The following PPP6R2 variants were observed in gnomAD, a reference collection of about 807,000 sequenced individuals.
The protein encoded by PPP6R2 is protein phosphatase 6 regulatory subunit 2.
PPP6R2 carries 62 observed loss-of-function variants against 100.2 expected under a neutral mutation model. The observed-to-expected ratio is 0.62, with a 90% confidence interval of 0.50 to 0.76. PPP6R2 has a LOEUF of 0.76. Ranked by LOEUF, PPP6R2 falls within the 30% of genes least tolerant of loss-of-function variation. The pLI, the probability that PPP6R2 is intolerant of heterozygous loss-of-function variation, is 0.00. For synonymous variants in PPP6R2, 525 were observed against 514.7 expected (o/e 1.02, Z -0.27); for missense variants, 1,142 against 1,276.3 (o/e 0.89, Z 1.60).
At chr22:50,331,648 C>T in the PPP6R2 span, among the ~76,000 whole-genome samples, 95 of 152,132 alleles carry the variant, frequency 6.2e-4, no homozygotes, top group African/African-American at 2.1e-3. Context: ...GACAGAGTCT[C>T]GCTTATGTCA....
rs761344015 is a variant in PPP6R2 at position 50,422,318 on chromosome 22, G to A, written c.910G>A (p.Val304Ile). 90 of 1,613,992 alleles carry A rather than the reference G, an allele frequency of 5.6e-5. No individual in the cohort carries two copies. Among genetic ancestry groups the A allele is most frequent in the Non-Finnish European group, 6.9e-5 (82 of 1,180,012 alleles). Reference protein sequence around the residue: ...LERSYAVSSSVLHGIEPRLKD... With the variant: ...LERSYAVSSSILHGIEPRLKD... ...AAGGTCATACGCTGTCAGCAGCAGC[G>A]TACTACACGGCATCGAGCCTCGGCT... The change falls in exon 9 of 24, where the codon GTA becomes ATA. Residue 304 changes from valine to isoleucine, a missense_variant. Val to Ile is a conservative substitution (Grantham distance 29, BLOSUM62 3). This residue lies in a region of PPP6R2 where 592 missense variants were observed against 758.9 expected (regional missense o/e 0.78). Transcript: ENST00000612753.
At chr22:50,330,902 CAT>C in the PPP6R2 span, among the ~76,000 whole-genome samples, 51 of 152,172 alleles carry the variant, frequency 3.4e-4, no homozygotes, top group African/African-American at 1.2e-3. Flanking sequence ...AAGGCAAGGA[CAT>C]AGATTTTCCC....
At chr22:50,388,312 TAAGCCTGGGAGGTTGAG>T (rs2054673921) in intron 2 of PPP6R2, among the ~76,000 whole-genome samples, 3 of 150,452 alleles carry the variant, frequency 2.0e-5, no homozygotes, top group Middle Eastern at 3.5e-3. Context: ...GAGGATCACT[TAAGCCTGGGAGGTTGAG>T]GCTGCAGTGT....
intron 4 of PPP6R2, 22 bp downstream of exon 4, chr22:50,406,897 C>T (rs1219100943): frequency 4.4e-6 from 7 of 1,604,168 alleles, no homozygotes; most frequent in East Asian, 4.5e-5. Flanking sequence ...GCAAAGCCTC[C>T]GTGACTTGGG....
chr22:50,439,076 TCCCCA>T, intron 19 of PPP6R2, among the ~76,000 whole-genome samples: 1 of 152,088 alleles, frequency 6.6e-6, no homozygotes, highest in East Asian at 1.9e-4. Context: ...CCTGACGCCC[TCCCCA>T]GCACAGCAGC....
chr22:50,413,184 C>G (rs1391702343), intron 4 of PPP6R2, among the ~76,000 whole-genome samples: 1 of 150,904 alleles, frequency 6.6e-6, no homozygotes, highest in East Asian at 2.0e-4. Context: ...CGACCTCAGT[C>G]TGGTCTGACC....
At chr22:50,354,136 C>T (rs2045934728) in intron 1 of PPP6R2, among the ~76,000 whole-genome samples, 1 of 151,750 alleles carries the variant, frequency 6.6e-6, no homozygotes, top group South Asian at 2.1e-4. Context: ...GAAACCCTGT[C>T]TCTACTAAAA....
chr22:50,342,929 T>TG (rs2042569587), upstream of PPP6R2, among the ~76,000 whole-genome samples: 1 of 152,074 alleles, frequency 6.6e-6, no homozygotes, highest in Non-Finnish European at 1.5e-5. Context: ...GGGAGGGGCC[T>TG]GTGGCAGGAG....
the PPP6R2 span, among the ~76,000 whole-genome samples, chr22:50,333,879 G>A: frequency 1.2e-4 from 18 of 152,342 alleles, no homozygotes; most frequent in African/African-American, 4.1e-4. Context: ...GGCAGGGTAA[G>A]GAGTGTGGGT....
At chr22:50,370,654 G>T (rs1260667485) in intron 1 of PPP6R2, among the ~76,000 whole-genome samples, 1 of 150,854 alleles carries the variant, frequency 6.6e-6, no homozygotes, top group Non-Finnish European at 1.5e-5. Flanking sequence ...ATTTTTTTGA[G>T]ACGGAGTCTC....
At chr22:50,363,151 C>T (rs1362120296) in intron 1 of PPP6R2, among the ~76,000 whole-genome samples, 1 of 152,152 alleles carries the variant, frequency 6.6e-6, no homozygotes, top group Admixed American at 6.5e-5. Context: ...GTGCTGGTGC[C>T]CTGTGTCCTT....
intron 1 of PPP6R2, among the ~76,000 whole-genome samples, chr22:50,370,364 T>C (rs1316887249): frequency 6.6e-6 from 1 of 152,152 alleles, no homozygotes; most frequent in East Asian, 1.9e-4. Context: ...CTCGGCTCAC[T>C]GCAACCTCTG....
At chr22:50,419,131 C>G (rs1407256078) in intron 7 of PPP6R2, 152 bp downstream of exon 7, 1 of 771,466 alleles carries the variant, frequency 1.3e-6, no homozygotes. Context: ...TAACTTGGGG[C>G]CTGTTTCCAG....
At chr22:50,402,872 T>C (rs2058274172) in intron 3 of PPP6R2, among the ~76,000 whole-genome samples, 1 of 152,236 alleles carries the variant, frequency 6.6e-6, no homozygotes, top group African/African-American at 2.4e-5. Context: ...CAGTGTCTTC[T>C]AGCTTGGTTT....
chr22:50,442,252 C>T (rs765308766), intron 22 of PPP6R2, among the ~76,000 whole-genome samples: 6 of 152,202 alleles, frequency 3.9e-5, no homozygotes, highest in Admixed American at 3.9e-4. Flanking sequence ...CCTGGAGAGT[C>T]TGTGTGGTAC....
chr22:50,370,669 T>A (rs1188800660), intron 1 of PPP6R2, among the ~76,000 whole-genome samples: 2 of 151,802 alleles, frequency 1.3e-5, no homozygotes, highest in Non-Finnish European at 2.9e-5. Context: ...AGTCTCACTC[T>A]GTTGCCCAGG....
chr22:50,437,455 C>T lies in PPP6R2; in HGVS notation c.1684-51C>T, dbSNP rs1324182279. ...AAAGAGCAGCCTCCAGGCCTGATGCCTCCTCCATGACCGGTGTCTGTCCGT... is the reference window on the plus strand; with the variant it reads ...AAAGAGCAGCCTCCAGGCCTGATGCTTCCTCCATGACCGGTGTCTGTCCGT... On this transcript the variant is annotated intron_variant, in intron 15 of 23. Transcript: ENST00000612753. The T allele has an allele frequency of 3.0e-6, 4 of 1,330,452 alleles. No homozygotes were observed. The African/African-American group carries it at 5.8e-5, about 19-fold the overall frequency. 82.4% of individuals were successfully genotyped at this position (1,330,452 alleles called of 1,614,324 possible).
chr22:50,377,312 A>G (rs1016695566), intron 2 of PPP6R2, among the ~76,000 whole-genome samples: 1 of 151,808 alleles, frequency 6.6e-6, no homozygotes, highest in African/African-American at 2.4e-5. Context: ...AAAATTAGCC[A>G]GGCGTGGTGG....
intron 15 of PPP6R2, 39 bp from the exon 16 acceptor site, chr22:50,437,467 C>G (rs372754159): frequency 1.6e-5 from 21 of 1,277,058 alleles, no homozygotes; most frequent in Non-Finnish European, 2.0e-5. Context: ...CCTCCATGAC[C>G]GGTGTCTGTC....
Sources: gnomAD v4.1 joint callset for allele counts (sites outside exome capture counted in the v4.1 genomes callset) on GRCh38, gnomAD v4.1.1 for gene constraint, gnomAD v4.1.1 regional missense constraint, MANE v1.5 for transcripts, NCBI Gene and HGNC (gene_info 2026-07-23, HGNC 2026-07-21) for gene names.